UBE2W: variants seen among roughly 807,000 people sequenced by gnomAD.
UBE2W encodes ubiquitin-conjugating enzyme E2 W.
UBE2W carries 18 observed loss-of-function variants against 27.2 expected under a neutral mutation model. That is an observed-to-expected ratio of 0.66 (90% CI 0.46 to 0.98). UBE2W has a LOEUF of 0.98. Among genes scored for constraint, UBE2W ranks in the 50% least tolerant of loss-of-function variants. UBE2W has a pLI of 0.00. For synonymous variants in UBE2W, 53 were observed against 57.2 expected, an observed-to-expected ratio of 0.93 and a Z score of 0.33; for missense variants, 90 against 180.2, an observed-to-expected ratio of 0.50 and a Z score of 2.87.
Position 73,787,370 on chromosome 8 carries a change from A to C in UBE2W, c.*6732T>G. 1.0e-6 allele frequency: 1 copy of C among 985,388 alleles called. No homozygotes were observed. The highest frequency in any genetic ancestry group is 1.2e-6 in the Non-Finnish European group (1 of 829,904). 61.0% of individuals were successfully genotyped at this position (985,388 alleles called of 1,614,324 possible). Reference sequence around the variant, plus strand: ...CAGAGTCACTTATCCAGGGTAGCTTAAACTAATGGAGAAAAGTCAAATCCT... The same window carrying C: ...CAGAGTCACTTATCCAGGGTAGCTTCAACTAATGGAGAAAAGTCAAATCCT... On this transcript the variant is annotated 3_prime_UTR_variant, in exon 6 of 6. Coordinates refer to ENST00000602593, the MANE Select transcript of UBE2W (RefSeq NM_018299.6).
chr8:73,817,870 C>T (rs747271339), intron 3 of UBE2W, among the ~76,000 whole-genome samples: 23 of 152,124 alleles, frequency 1.5e-4, no homozygotes, highest in Non-Finnish European at 3.2e-4. Flanking sequence ...ATGATAGAAA[C>T]GTCAAACTTC....
intron 1 of UBE2W, among the ~76,000 whole-genome samples, chr8:73,845,720 TAAAA>T (rs796091391): frequency 2.1e-5 from 3 of 141,458 alleles, no homozygotes; most frequent in Non-Finnish European, 4.7e-5. Flanking sequence ...TAAAAAAATT[TAAAA>T]AAAAAAAGCT....
Position 73,845,862 on chromosome 8 carries a change from C to A in UBE2W, c.16-15390G>T, listed in dbSNP as rs189358204. Among the ~76,000 whole-genome samples, 12 of 152,066 alleles carry A rather than the reference C, an allele frequency of 7.9e-5. No homozygotes were observed. The East Asian group carries it at 2.3e-3, about 29-fold the overall frequency. On this transcript the variant is annotated intron_variant, in intron 1 of 5. Coordinates refer to ENST00000602593, the MANE Select transcript of UBE2W (RefSeq NM_018299.6). ...ATATATTTTATGTAAGTAAAACCACCAATTTAAACTCCTATACCAAGCAAA... is the reference window on the plus strand; with the variant it reads ...ATATATTTTATGTAAGTAAAACCACAAATTTAAACTCCTATACCAAGCAAA...
At position 73,816,714 on chromosome 8, in the gene UBE2W, G is replaced by A. The variant is rs117748155; in HGVS notation, c.211-6085C>T. ...TCCCTATTTCTAAAATACTGAAAAC[G>A]TCTTCATCAAAAATTAGCTAAAAGT... On this transcript the variant is annotated intron_variant, in intron 3 of 5. Coordinates refer to ENST00000602593, the MANE Select transcript of UBE2W (RefSeq NM_018299.6). 9.9e-4 allele frequency among the ~76,000 whole-genome samples: 151 copies of A among 152,180 alleles called. 2 individuals carry two copies. Among genetic ancestry groups the A allele is most frequent in the East Asian group, 8.9e-3 (46 of 5,172 alleles).
intron 1 of UBE2W, among the ~76,000 whole-genome samples, chr8:73,851,038 A>C (rs1216668588): frequency 6.6e-6 from 1 of 151,666 alleles, no homozygotes; most frequent in Non-Finnish European, 1.5e-5. Flanking sequence ...TTTTGTAGAG[A>C]TAGGATTGCG....
At chr8:73,827,931 C>A (rs751036400) in intron 2 of UBE2W, among the ~76,000 whole-genome samples, 10 of 152,180 alleles carry the variant, frequency 6.6e-5, no homozygotes, top group Admixed American at 3.3e-4. Context: ...CCAGTGATAA[C>A]CACTGTTAAA....
intron 5 of UBE2W, among the ~76,000 whole-genome samples, chr8:73,796,872 A>G (rs145616159): frequency 7.2e-6 from 1 of 139,240 alleles, no homozygotes; most frequent in East Asian, 2.1e-4. Context: ...GGACAAACTC[A>G]CCCCCCAACC....
chr8:73,797,136 C>G (rs1808454165), intron 5 of UBE2W, among the ~76,000 whole-genome samples: 1 of 152,060 alleles, frequency 6.6e-6, no homozygotes. Flanking sequence ...TGACACCTAC[C>G]ATGGCTAACT....
intron 1 of UBE2W, among the ~76,000 whole-genome samples, chr8:73,875,478 C>G (rs988956576): frequency 6.6e-6 from 1 of 152,114 alleles, no homozygotes; most frequent in Non-Finnish European, 1.5e-5. Flanking sequence ...CAAAGTCTAC[C>G]CTTACTTGTT....
chr8:73,869,962 A>T lies in UBE2W; in HGVS notation c.15+8846T>A, dbSNP rs1811932080. On this transcript the variant is annotated intron_variant, in intron 1 of 5. Coordinates refer to ENST00000602593, the MANE Select transcript of UBE2W (RefSeq NM_018299.6). ...AAATACCCAGAATAGACCAATCCAG[A>T]GACAAAAAATAGATGAGTGGTTTCC... Among the ~76,000 whole-genome samples, 8 of 152,284 alleles carry T rather than the reference A, an allele frequency of 5.3e-5. No individual in the cohort carries two copies. The South Asian group carries it at 1.7e-3, about 32-fold the overall frequency.
chr8:73,787,959 C>G lies in UBE2W; in HGVS notation c.*6143G>C, dbSNP rs1016750665. ...TGTGTTAAATAGATGGTTTAAGTGA[C>G]TATCTTCATTCTGTTGCACTCATTT... On this transcript the variant is annotated 3_prime_UTR_variant, in exon 6 of 6. Coordinates refer to ENST00000602593, the MANE Select transcript of UBE2W (RefSeq NM_018299.6). 3.0e-6 allele frequency: 3 copies of G among 985,246 alleles called. No individual in the cohort carries two copies. The highest frequency in any genetic ancestry group is 3.6e-6 in the Non-Finnish European group (3 of 829,878). 61.0% of individuals were successfully genotyped at this position (985,246 alleles called of 1,614,324 possible). A position where few individuals can be genotyped will look rare whatever the true frequency, so the allele number is the denominator to read the frequency against.
intron 1 of UBE2W, among the ~76,000 whole-genome samples, chr8:73,843,099 C>A (rs1042245835): frequency 6.6e-6 from 1 of 152,104 alleles, no homozygotes; most frequent in Non-Finnish European, 1.5e-5. Flanking sequence ...TGTATGATAT[C>A]ACTGATATGA....
At chr8:73,808,576 T>C (rs1324304888) in intron 4 of UBE2W, among the ~76,000 whole-genome samples, 1 of 152,216 alleles carries the variant, frequency 6.6e-6, no homozygotes, top group Non-Finnish European at 1.5e-5. Flanking sequence ...ATCTCTCTAA[T>C]GCCAGATCGT....
At chr8:73,829,023 T>G (rs1809966417) in intron 2 of UBE2W, among the ~76,000 whole-genome samples, 1 of 152,188 alleles carries the variant, frequency 6.6e-6, no homozygotes. Context: ...GTAAAAATTT[T>G]ATGGTTCATT....
At chr8:73,825,041 C>A in intron 3 of UBE2W, 106 bp downstream of exon 3, 2 of 630,256 alleles carry the variant, frequency 3.2e-6, no homozygotes, top group South Asian at 2.4e-5. Flanking sequence ...AATAACAAAT[C>A]CATCTACATA....
At chr8:73,833,571 C>T (rs1459909986) in intron 1 of UBE2W, among the ~76,000 whole-genome samples, 1 of 152,028 alleles carries the variant, frequency 6.6e-6, no homozygotes, top group African/African-American at 2.4e-5. Context: ...GTATTTTGCA[C>T]GCTTATTTGT....
At chr8:73,825,391 T>C in intron 2 of UBE2W, 142 bp from the exon 3 acceptor site, 1 of 568,220 alleles carries the variant, frequency 1.8e-6, no homozygotes, top group South Asian at 2.8e-5. Flanking sequence ...AGCCTCCCAA[T>C]AACTCTCTTA....
intron 3 of UBE2W, among the ~76,000 whole-genome samples, chr8:73,814,824 A>G (rs1809321433): frequency 1.3e-5 from 2 of 152,226 alleles, no homozygotes; most frequent in African/African-American, 4.8e-5. Context: ...CCAGACTGGA[A>G]GCAGTCTTTA....
chr8:73,786,507 A>G lies in UBE2W; in HGVS notation c.*7595T>C, dbSNP rs972591390. ...TGCAACACTGTCCCTACTGTTAAAAAGTTCAGGATAGATGACTGGTAGGGA... is the reference window on the plus strand; with the variant it reads ...TGCAACACTGTCCCTACTGTTAAAAGGTTCAGGATAGATGACTGGTAGGGA... On this transcript the variant is annotated 3_prime_UTR_variant, in exon 6 of 6. Coordinates refer to ENST00000602593, the MANE Select transcript of UBE2W (RefSeq NM_018299.6). 1.0e-6 allele frequency: 1 copy of G among 985,510 alleles called. No homozygotes were observed. Among genetic ancestry groups the G allele is most frequent in the South Asian group, 4.7e-5 (1 of 21,290 alleles). The allele number at this position is 985,510 out of a possible 1,614,324, so 61.0% of individuals were successfully genotyped here.
Sources: gnomAD v4.1 joint callset for allele counts (sites outside exome capture counted in the v4.1 genomes callset) on GRCh38, gnomAD v4.1.1 for gene constraint, MANE v1.5 for transcripts, NCBI Gene and HGNC (gene_info 2026-07-23, HGNC 2026-07-21) for gene names.